Variants in FHIT observed in about 807,000 individuals in gnomAD.
FHIT encodes the protein fragile histidine triad diadenosine triphosphatase, also known as bis(5'-adenosyl)-triphosphatase.
In FHIT, 19 loss-of-function variants were observed where a neutral mutation model predicts 17.9. The observed-to-expected ratio is 1.06, with a 90% CI of 0.74 to 1.56. The LOEUF (loss-of-function observed/expected upper bound fraction) is 1.56. Among genes scored for constraint, FHIT ranks in the 40% most tolerant of loss-of-function variants. The probability of loss-of-function intolerance (pLI) is 0.00; values close to 1 mark genes in which losing one functional copy is unlikely to be tolerated. For missense variants in FHIT, 248 were observed against 189.2 expected (o/e 1.31, Z -1.82); for synonymous variants, 81 against 69.7 (o/e 1.16, Z -0.81).
At chr3:60,288,274 G>C (rs950949349) in intron 5 of FHIT, among the ~76,000 whole-genome samples, 1 of 152,142 alleles carries the variant, frequency 6.6e-6, no homozygotes, top group Non-Finnish European at 1.5e-5. Flanking sequence ...GCACACTGTT[G>C]CTTTCACTGT....
chr3:60,139,307 G>A (rs908992724), intron 5 of FHIT, among the ~76,000 whole-genome samples: 6 of 152,096 alleles, frequency 3.9e-5, no homozygotes, highest in African/African-American at 1.2e-4. Context: ...TAAAGGGAGT[G>A]AGAACCAAAA....
At chr3:60,201,777 C>A (rs1345989287) in intron 5 of FHIT, among the ~76,000 whole-genome samples, 1 of 151,736 alleles carries the variant, frequency 6.6e-6, no homozygotes, top group Non-Finnish European at 1.5e-5. Context: ...TATATTGGAT[C>A]TAAGACTACC....
At chr3:61,044,476 G>T (rs191790297) in intron 2 of FHIT, among the ~76,000 whole-genome samples, 14 of 152,270 alleles carry the variant, frequency 9.2e-5, no homozygotes, top group African/African-American at 1.2e-4. Context: ...AGTAATACGG[G>T]ACTATGTGAA....
chr3:60,383,178 C>T (rs112263750), intron 5 of FHIT, among the ~76,000 whole-genome samples: 4 of 152,192 alleles, frequency 2.6e-5, no homozygotes, highest in Non-Finnish European at 4.4e-5. Flanking sequence ...GTTTCTTTTG[C>T]GCTTACTTGC....
At chr3:60,741,026 A>G (rs2042229312) in intron 4 of FHIT, among the ~76,000 whole-genome samples, 1 of 152,216 alleles carries the variant, frequency 6.6e-6, no homozygotes, top group Non-Finnish European at 1.5e-5. Flanking sequence ...ATTAACCCAG[A>G]AAAAAAGTCC....
chr3:59,921,407 T>C (rs1180913279), intron 8 of FHIT, among the ~76,000 whole-genome samples: 1 of 152,148 alleles, frequency 6.6e-6, no homozygotes, highest in Non-Finnish European at 1.5e-5. Context: ...AGATAAACAA[T>C]GTGTTTTAAA....
chr3:60,455,821 A>G (rs1236279976), intron 5 of FHIT, among the ~76,000 whole-genome samples: 1 of 152,088 alleles, frequency 6.6e-6, no homozygotes, highest in Non-Finnish European at 1.5e-5. Context: ...CAGTGGGGAG[A>G]AGTGAGTTTT....
intron 8 of FHIT, among the ~76,000 whole-genome samples, chr3:59,832,075 C>T (rs995670101): frequency 1.3e-5 from 2 of 152,174 alleles, no homozygotes; most frequent in Non-Finnish European, 2.9e-5. Context: ...CTTGCCCCCC[C>T]ATGATGTGCA....
chr3:60,107,906 C>T lies in FHIT; in HGVS notation c.104-93754G>A, dbSNP rs374108282. Among the ~76,000 whole-genome samples, 18 of 152,316 alleles carry T rather than the reference C, an allele frequency of 1.2e-4. No homozygotes were observed. The East Asian group carries it at 1.9e-3, about 16-fold the overall frequency. ...GAATAGTGTTGACAGTCTAAATTTGCTTCCTTGAGGCATTATCTGTTTGAC... is the reference window on the plus strand; with the variant it reads ...GAATAGTGTTGACAGTCTAAATTTGTTTCCTTGAGGCATTATCTGTTTGAC... On this transcript the variant is annotated intron_variant, in intron 5 of 9. Coordinates refer to ENST00000492590, the MANE Select transcript of FHIT (RefSeq NM_002012.4).
At chr3:59,916,999 T>C (rs1371027289) in intron 8 of FHIT, among the ~76,000 whole-genome samples, 1 of 152,236 alleles carries the variant, frequency 6.6e-6, no homozygotes, top group Non-Finnish European at 1.5e-5. Context: ...TCCTTCCTTT[T>C]TGAAAAGTCA....
intron 5 of FHIT, among the ~76,000 whole-genome samples, chr3:60,066,024 C>G (rs1365442611): frequency 6.6e-6 from 1 of 152,122 alleles, no homozygotes; most frequent in Non-Finnish European, 1.5e-5. Flanking sequence ...AAATACACCC[C>G]TATTTTTTTA....
chr3:60,855,914 A>G (rs1460314838), intron 3 of FHIT, among the ~76,000 whole-genome samples: 1 of 152,180 alleles, frequency 6.6e-6, no homozygotes, highest in African/African-American at 2.4e-5. Flanking sequence ...CAAGAAAAGC[A>G]AAGAACCTTG....
intron 5 of FHIT, among the ~76,000 whole-genome samples, chr3:60,101,812 A>T (rs905354855): frequency 2.0e-5 from 3 of 152,170 alleles, no homozygotes; most frequent in Admixed American, 6.5e-5. Flanking sequence ...AGCCTTATCA[A>T]CCAGCGCTCT....
chr3:60,313,311 G>C (rs1470622214), intron 5 of FHIT, among the ~76,000 whole-genome samples: 1 of 152,182 alleles, frequency 6.6e-6, no homozygotes, highest in South Asian at 2.1e-4. Context: ...TAAAAACCCA[G>C]TTCTCTAAAA....
intron 2 of FHIT, among the ~76,000 whole-genome samples, chr3:61,187,571 G>C (rs962091785): frequency 3.0e-4 from 46 of 152,190 alleles, no homozygotes; most frequent in African/African-American, 8.2e-4. Flanking sequence ...CAGCTCTGCA[G>C]CAAGCGGACC....
intron 2 of FHIT, among the ~76,000 whole-genome samples, chr3:61,192,157 C>T (rs2038736234): frequency 6.6e-6 from 1 of 152,118 alleles, no homozygotes; most frequent in South Asian, 2.1e-4. Context: ...GAAGATGGCA[C>T]AGGAAAAAGA....
intron 2 of FHIT, among the ~76,000 whole-genome samples, chr3:61,101,360 C>T (rs183241591): frequency 8.5e-5 from 13 of 152,230 alleles, no homozygotes; most frequent in African/African-American, 3.1e-4. Context: ...TGTCAAAGAT[C>T]AGATGGTTGT....
At chr3:59,803,732 G>A (rs1700089533) in intron 8 of FHIT, among the ~76,000 whole-genome samples, 1 of 149,892 alleles carries the variant, frequency 6.7e-6, no homozygotes, top group Admixed American at 6.8e-5. Context: ...CAGTTGCCTT[G>A]AACAACCAAG....
At chr3:59,840,930 T>G (rs940448442) in intron 8 of FHIT, among the ~76,000 whole-genome samples, 1 of 152,162 alleles carries the variant, frequency 6.6e-6, no homozygotes, top group African/African-American at 2.4e-5. Flanking sequence ...GCAAATACAC[T>G]AGGAGCTTAA....
Sources: gnomAD v4.1 joint callset for allele counts (sites outside exome capture counted in the v4.1 genomes callset) on GRCh38, gnomAD v4.1.1 for gene constraint, MANE v1.5 for transcripts, NCBI Gene and HGNC (gene_info 2026-07-23, HGNC 2026-07-21) for gene names.